Variants in KIAA0825 observed in about 807,000 individuals in gnomAD.
The protein encoded by KIAA0825 is uncharacterized protein KIAA0825.
KIAA0825 carries 119 observed loss-of-function variants against 147.6 expected under a neutral mutation model. That is an observed-to-expected ratio of 0.81 (90% CI 0.69 to 0.94). KIAA0825 has a LOEUF of 0.94. Ranked by LOEUF, KIAA0825 falls within the 40% of genes least tolerant of loss-of-function variation. KIAA0825 has a pLI of 0.00. For synonymous variants in KIAA0825, 470 were observed against 518.1 expected (o/e 0.91, Z 1.26); for missense variants, 1,381 against 1,472.7 (o/e 0.94, Z 1.02).
In KIAA0825 at chr5:94,344,311, G is replaced by A. The variant is rs571833737; in HGVS notation, c.3710+40057C>T. On this transcript the variant is annotated intron_variant, in intron 20 of 20. Transcript: ENST00000682413. ...ATATTCAACTGCATGCAAGAATCTC[G>A]CAAACTGAGCAAAAAAAAGCCAGAA... Among the ~76,000 whole-genome samples the A allele has an allele frequency of 1.4e-4, 21 of 152,044 alleles. 1 individual carries two copies. In the South Asian group the frequency reaches 2.3e-3, roughly 17 times the overall value.
intron 20 of KIAA0825, among the ~76,000 whole-genome samples, chr5:94,381,050 G>A (rs1222976648): frequency 6.6e-6 from 1 of 152,132 alleles, no homozygotes; most frequent in Admixed American, 6.5e-5. Context: ...TTACCTGAGT[G>A]GTTCACTTGG....
chr5:94,272,947 T>A (rs1431144932), intron 20 of KIAA0825, among the ~76,000 whole-genome samples: 1 of 152,182 alleles, frequency 6.6e-6, no homozygotes, highest in Non-Finnish European at 1.5e-5. Flanking sequence ...GCTCAGTGAC[T>A]AGCACAGGGC....
At chr5:94,543,892 C>G (rs906094870) in intron 2 of KIAA0825, among the ~76,000 whole-genome samples, 2 of 152,170 alleles carry the variant, frequency 1.3e-5, no homozygotes, top group Non-Finnish European at 2.9e-5. Flanking sequence ...AGAAGTTACC[C>G]TATATGGTCT....
At chr5:94,309,497 CAT>C (rs1778970450) in intron 20 of KIAA0825, among the ~76,000 whole-genome samples, 1 of 151,628 alleles carries the variant, frequency 6.6e-6, no homozygotes, top group Non-Finnish European at 1.5e-5. Flanking sequence ...CAAAAATGCA[CAT>C]GTTAAATCCA....
chr5:94,317,742 G>A (rs766556568), intron 20 of KIAA0825, among the ~76,000 whole-genome samples: 12 of 151,738 alleles, frequency 7.9e-5, no homozygotes, highest in Non-Finnish European at 1.2e-4. Context: ...CAGTGAAAAT[G>A]AGATAAATAC....
intron 20 of KIAA0825, among the ~76,000 whole-genome samples, chr5:94,226,004 C>A (rs540918691): frequency 7.8e-4 from 119 of 152,206 alleles, no homozygotes; most frequent in African/African-American, 2.8e-3. Context: ...AAAGCCAAAA[C>A]TGACAAATGG....
chr5:94,495,332 C>T (rs1249794349), intron 5 of KIAA0825, among the ~76,000 whole-genome samples: 3 of 152,200 alleles, frequency 2.0e-5, no homozygotes, highest in Non-Finnish European at 4.4e-5. Flanking sequence ...AATAGTTATT[C>T]AGCCATAAAG....
chr5:94,350,424 AT>A (rs1160072869), intron 20 of KIAA0825, among the ~76,000 whole-genome samples: 2 of 152,218 alleles, frequency 1.3e-5, no homozygotes, highest in Non-Finnish European at 1.5e-5. Flanking sequence ...TCCCTGATTC[AT>A]TCTATGAAGC....
At position 94,471,499 on chromosome 5, in the gene KIAA0825, C is replaced by T. The variant is rs1562530545; in HGVS notation, c.1688G>A (p.Arg563Gln). 4 of 1,552,018 alleles carry T rather than the reference C, an allele frequency of 2.6e-6. No homozygotes were observed. Among genetic ancestry groups the T allele is most frequent in the East Asian group, 4.9e-5 (2 of 40,928 alleles). Residue 563 changes from arginine to glutamine, a missense_variant, in exon 9 of 21, where the codon CGA (arginine) becomes CAA (glutamine). Arg to Gln is a conservative substitution (Grantham distance 43, BLOSUM62 1). Coordinates refer to ENST00000682413, the MANE Select transcript of KIAA0825 (RefSeq NM_001145678.3). ...TAVYVFQHFK[R>Q]YDNLMKEMTK... The stretch of plus-strand genomic sequence containing the variant: ...CATTTCCTTCATCAAATTATCATAT[C>T]GCTTGAAATGCTGGAAGACATACAC...
chr5:94,502,390 C>T (rs909119865), intron 5 of KIAA0825, among the ~76,000 whole-genome samples: 7 of 152,030 alleles, frequency 4.6e-5, no homozygotes, highest in Admixed American at 1.3e-4. Flanking sequence ...CTGAAAAGAA[C>T]GCCAGACCCA....
chr5:94,428,322 T>C (rs1367624660), intron 14 of KIAA0825, among the ~76,000 whole-genome samples: 1 of 152,138 alleles, frequency 6.6e-6, no homozygotes, highest in African/African-American at 2.4e-5. Context: ...TTGTAGTTTC[T>C]ATTGTGTGGT....
rs967902997 is a variant in KIAA0825, at chr5:94,226,420, G to C, written c.3711-72296C>G. Among the ~76,000 whole-genome samples the C allele has an allele frequency of 2.6e-5, 4 of 151,950 alleles. No individual in the cohort carries two copies. In the East Asian group the frequency reaches 7.8e-4, roughly 29 times the overall value. Reference sequence around the variant, plus strand: ...GAACACTTTTACACTGTTGGTGGGAGTGTAAATTAGTTCAACCATTGTGGA... The same window carrying C: ...GAACACTTTTACACTGTTGGTGGGACTGTAAATTAGTTCAACCATTGTGGA... On this transcript the variant is annotated intron_variant, in intron 20 of 20. Coordinates refer to ENST00000682413, the MANE Select transcript of KIAA0825 (RefSeq NM_001145678.3).
At chr5:94,290,726 T>G (rs1403467909) in intron 20 of KIAA0825, among the ~76,000 whole-genome samples, 1 of 152,124 alleles carries the variant, frequency 6.6e-6, no homozygotes, top group Admixed American at 6.5e-5. Flanking sequence ...TCCACAATGG[T>G]TGAACTAATT....
At chr5:94,556,434 G>A (rs760941460) in intron 2 of KIAA0825, among the ~76,000 whole-genome samples, 1 of 152,044 alleles carries the variant, frequency 6.6e-6, no homozygotes, top group African/African-American at 2.4e-5. Context: ...ACAATGATTT[G>A]AACTTAGCAT....
chr5:94,266,885 G>A (rs947568831), intron 20 of KIAA0825, among the ~76,000 whole-genome samples: 1 of 151,828 alleles, frequency 6.6e-6, no homozygotes, highest in South Asian at 2.1e-4. Context: ...AGTTCTCTGG[G>A]GTCCTCAATA....
At chr5:94,282,832 T>C (rs1361235395) in intron 20 of KIAA0825, among the ~76,000 whole-genome samples, 2 of 152,002 alleles carry the variant, frequency 1.3e-5, no homozygotes. Context: ...GGGTATACAA[T>C]AGTCTGTTTA....
chr5:94,595,441 C>A (rs1401399554), intron 1 of KIAA0825, among the ~76,000 whole-genome samples: 5 of 152,196 alleles, frequency 3.3e-5, no homozygotes, highest in African/African-American at 1.2e-4. Flanking sequence ...ATACAGGGCA[C>A]CAAGTCCCTA....
chr5:94,190,651 C>T (rs2149999739), intron 20 of KIAA0825, among the ~76,000 whole-genome samples: 1 of 152,056 alleles, frequency 6.6e-6, no homozygotes, highest in Admixed American at 6.6e-5. Context: ...TCCTAGTTTA[C>T]TGAGTTTTTA....
At chr5:94,338,418 A>G (rs1290925221) in intron 20 of KIAA0825, among the ~76,000 whole-genome samples, 1 of 151,806 alleles carries the variant, frequency 6.6e-6, no homozygotes, top group African/African-American at 2.4e-5. Context: ...TCTCCTTTTC[A>G]TTTACTTTAT....
Sources: allele counts gnomAD v4.1 joint callset (sites outside exome capture counted in the v4.1 genomes callset), GRCh38; gene constraint gnomAD v4.1.1; transcripts MANE v1.5; gene names NCBI Gene and HGNC (gene_info 2026-07-23, HGNC 2026-07-21).